The following HS3ST5 variants were observed in gnomAD, a reference collection of about 807,000 sequenced individuals.
HS3ST5 encodes heparan sulfate glucosamine 3-O-sulfotransferase 5.
A neutral mutation model predicts 25.4 loss-of-function variants in HS3ST5; 10 were observed. The ratio of observed to expected loss-of-function variants is 0.39; its 90% CI spans 0.24 to 0.67. The LOEUF (loss-of-function observed/expected upper bound fraction) is 0.67, where lower values mean the gene tolerates loss of function less well. Among genes scored for constraint, HS3ST5 ranks in the 30% least tolerant of loss-of-function variants. The probability of loss-of-function intolerance (pLI) is 0.44; values close to 1 mark genes in which losing one functional copy is unlikely to be tolerated. For synonymous variants in HS3ST5, 170 were observed against 162.4 expected, an observed-to-expected ratio of 1.05 and a Z score of -0.36; for missense variants, 324 against 420.7, an observed-to-expected ratio of 0.77 and a Z score of 2.01.
intron 2 of HS3ST5, chr6:114,179,063 A>C (rs890809966): frequency 6.6e-6 from 1 of 152,204 alleles, no homozygotes; most frequent in Non-Finnish European, 1.5e-5. Flanking sequence ...AGTTGCCCAG[A>C]GCAAGACCTT....
chr6:114,167,464 A>G (rs1302338730), intron 3 of HS3ST5: 1 of 152,212 alleles, frequency 6.6e-6, no homozygotes, highest in Non-Finnish European at 1.5e-5. Flanking sequence ...CAACAACTCA[A>G]TGAGATGCAT....
intron 1 of HS3ST5, among the ~76,000 whole-genome samples, chr6:114,303,014 C>T (rs1381055976): frequency 2.0e-5 from 3 of 152,090 alleles, no homozygotes; most frequent in Admixed American, 6.6e-5. Context: ...TTTGTTTAAA[C>T]TAAGATGGAC....
intron 3 of HS3ST5, among the ~76,000 whole-genome samples, chr6:114,103,185 TA>T (rs1182944996): frequency 6.6e-6 from 1 of 152,154 alleles, no homozygotes; most frequent in Non-Finnish European, 1.5e-5. Context: ...ACAGAACTTT[TA>T]AAAACTTTTA....
intron 3 of HS3ST5, chr6:114,144,042 T>C (rs1392698764): frequency 6.6e-6 from 1 of 152,230 alleles, no homozygotes; most frequent in East Asian, 1.9e-4. Context: ...CTATTTTTTA[T>C]GTTGAGGTTT....
intron 2 of HS3ST5, among the ~76,000 whole-genome samples, chr6:114,228,059 A>G (rs1771387368): frequency 6.6e-6 from 1 of 152,142 alleles, no homozygotes; most frequent in South Asian, 2.1e-4. Context: ...ATAAAAGCTC[A>G]GGTTTAGCAT....
chr6:114,071,548 G>A (rs1401253455), intron 3 of HS3ST5, among the ~76,000 whole-genome samples: 1 of 152,172 alleles, frequency 6.6e-6, no homozygotes, highest in Non-Finnish European at 1.5e-5. Flanking sequence ...AGAAGTATGT[G>A]TTGTGCATTA....
chr6:114,289,407 A>T (rs1053761530), intron 1 of HS3ST5, among the ~76,000 whole-genome samples: 7 of 152,120 alleles, frequency 4.6e-5, no homozygotes, highest in South Asian at 4.1e-4. Flanking sequence ...ACTGGATTTT[A>T]AAAAAATTCA....
intron 3 of HS3ST5, among the ~76,000 whole-genome samples, chr6:114,136,150 G>T (rs1777592365): frequency 6.6e-6 from 1 of 152,196 alleles, no homozygotes; most frequent in Non-Finnish European, 1.5e-5. Context: ...CAGGAATCAG[G>T]CTACATCCCC....
Position 114,060,813 on chromosome 6 carries a change from G to A in HS3ST5, c.107+1926C>T, listed in dbSNP as rs145956721. 5.6e-3 allele frequency among the ~76,000 whole-genome samples: 846 copies of A among 152,092 alleles called. 9 individuals carry two copies. The highest frequency in any genetic ancestry group is 0.015 in the African/African-American group (622 of 41,474). ...GGAGATCACATCCTGCAGAATAGTC[G>A]CTTTTTGGACTCCCTAACTCAAGAT... On this transcript the variant is annotated intron_variant, in intron 4 of 4. Transcript: ENST00000312719.
At chr6:114,328,360 C>T (rs1051622203) in intron 1 of HS3ST5, among the ~76,000 whole-genome samples, 3 of 152,114 alleles carry the variant, frequency 2.0e-5, no homozygotes, top group Non-Finnish European at 2.9e-5. Context: ...GCCACCCAAA[C>T]ACCTCCATTC....
chr6:114,115,071 G>A, intron 3 of HS3ST5, among the ~76,000 whole-genome samples: 1 of 152,084 alleles, frequency 6.6e-6, no homozygotes, highest in South Asian at 2.1e-4. Context: ...TTCCCAGTTG[G>A]CAAATTATGA....
chr6:114,312,109 A>T (rs1319843723), intron 1 of HS3ST5, among the ~76,000 whole-genome samples: 1 of 152,196 alleles, frequency 6.6e-6, no homozygotes, highest in Non-Finnish European at 1.5e-5. Context: ...ATATATTTAG[A>T]CTAATACTAA....
rs61563601 is a variant in HS3ST5, at chr6:114,081,358, T to TA, written c.-32-18482dup. Among the ~76,000 whole-genome samples the TA allele has an allele frequency of 6.5e-4, 93 of 143,842 alleles. 1 individual carries two copies. The East Asian group carries it at 9.0e-3, about 14-fold the overall frequency. 94.4% of individuals were successfully genotyped at this position (143,842 alleles called of 152,430 possible). On this transcript the variant is annotated intron_variant, in intron 3 of 4. Coordinates refer to ENST00000312719, the MANE Select transcript of HS3ST5 (RefSeq NM_153612.4). Reference sequence around the variant, plus strand: ...TGCAGGGTTGCAACACATCTTTAATTAAAAAAAAAAAGCAGTATCTGTGAA... The same window carrying TA: ...TGCAGGGTTGCAACACATCTTTAATTAAAAAAAAAAAAGCAGTATCTGTGAA...
At chr6:114,202,142 CG>C (rs1224111793) in intron 2 of HS3ST5, among the ~76,000 whole-genome samples, 1 of 151,974 alleles carries the variant, frequency 6.6e-6, no homozygotes, top group African/African-American at 2.4e-5. Flanking sequence ...TTCAAAAGGC[CG>C]GGGAAAATGA....
At chr6:114,244,953 T>C (rs1258164868) in intron 1 of HS3ST5, among the ~76,000 whole-genome samples, 1 of 152,220 alleles carries the variant, frequency 6.6e-6, no homozygotes, top group Non-Finnish European at 1.5e-5. Context: ...GATCTCATGA[T>C]AACATATTAC....
intron 2 of HS3ST5, among the ~76,000 whole-genome samples, chr6:114,217,102 A>G (rs1022994600): frequency 9.2e-5 from 14 of 152,214 alleles, no homozygotes; most frequent in Non-Finnish European, 1.5e-5. Flanking sequence ...TCCATTTACT[A>G]ACGGATTTAG....
At chr6:114,297,106 G>C (rs1379118308) in intron 1 of HS3ST5, among the ~76,000 whole-genome samples, 1 of 152,162 alleles carries the variant, frequency 6.6e-6, no homozygotes, top group African/African-American at 2.4e-5. Flanking sequence ...TTTATAGAGA[G>C]ATGGACAGAG....
chr6:114,126,029 C>A (rs2114891354), intron 3 of HS3ST5, among the ~76,000 whole-genome samples: 1 of 152,298 alleles, frequency 6.6e-6, no homozygotes, highest in Non-Finnish European at 1.5e-5. Context: ...ATCTAAGAAG[C>A]TTTAATCAAA....
chr6:114,240,034 A>ACACACACACC (rs1322767931), intron 1 of HS3ST5, among the ~76,000 whole-genome samples: 2 of 150,900 alleles, frequency 1.3e-5, no homozygotes, highest in African/African-American at 4.9e-5. Flanking sequence ...ACACACACAC[A>ACACACACACC]CCGCTTACTC....
Sources: gnomAD v4.1 joint callset for allele counts (sites outside exome capture counted in the v4.1 genomes callset) on GRCh38, gnomAD v4.1.1 for gene constraint, MANE v1.5 for transcripts, NCBI Gene and HGNC (gene_info 2026-07-23, HGNC 2026-07-21) for gene names.